PI4KA: variants seen among roughly 807,000 people sequenced by gnomAD.
PI4KA encodes the protein PI4-kinase alpha.
PI4KA carries 122 observed loss-of-function variants against 271.4 expected under a neutral mutation model. The observed-to-expected ratio is 0.45, with a 90% confidence interval of 0.39 to 0.52. The LOEUF (loss-of-function observed/expected upper bound fraction) is 0.52, where lower values mean the gene tolerates loss of function less well. PI4KA is among the 20% of genes least tolerant of loss of function. The pLI is 0.00. For synonymous variants in PI4KA, 1,041 were observed against 1,078.8 expected, an observed-to-expected ratio of 0.96 and a Z score of 0.69; for missense variants, 1,969 against 2,769.1, an observed-to-expected ratio of 0.71 and a Z score of 6.48.
chr22:20,712,166 T>C (rs1170329508), intron 50 of PI4KA, among the ~76,000 whole-genome samples: 2 of 151,938 alleles, frequency 1.3e-5, no homozygotes, highest in East Asian at 1.9e-4. Context: ...CAAGCGATTC[T>C]CCTGCCTCAG....
chr22:20,736,936 G>A (rs1928802172), intron 32 of PI4KA: 1 of 153,976 alleles, frequency 6.5e-6, no homozygotes, highest in Admixed American at 6.5e-5. Flanking sequence ...TACAGTAAAG[G>A]GAGGGGCCAC....
chr22:20,799,350 T>C (rs771291170), intron 15 of PI4KA, 74 bp from the exon 16 acceptor site: 1 of 1,325,082 alleles, frequency 7.5e-7, no homozygotes, highest in Non-Finnish European at 1.0e-6. Flanking sequence ...ACCCAGAGAC[T>C]ACGATCTAGA....
chr22:20,750,650 G>A (rs532732070), intron 27 of PI4KA, among the ~76,000 whole-genome samples: 24 of 152,344 alleles, frequency 1.6e-4, no homozygotes, highest in Non-Finnish European at 2.1e-4. Flanking sequence ...GGCAGGCTCT[G>A]CGTGGCAAAA....
At chr22:20,776,151 A>G (rs749011869) in intron 19 of PI4KA, among the ~76,000 whole-genome samples, 12 of 152,064 alleles carry the variant, frequency 7.9e-5, no homozygotes, top group Non-Finnish European at 1.5e-4. Context: ...GTAAAACCCC[A>G]TCTTTACCAA....
At chr22:20,832,936 G>A (rs1182814331) in intron 3 of PI4KA, among the ~76,000 whole-genome samples, 2 of 152,192 alleles carry the variant, frequency 1.3e-5, no homozygotes, top group Non-Finnish European at 2.9e-5. Flanking sequence ...GGGAACTAGT[G>A]CAGTCAACTT....
chr22:20,739,802 C>T (rs1929194830), intron 32 of PI4KA, among the ~76,000 whole-genome samples: 1 of 152,072 alleles, frequency 6.6e-6, no homozygotes, highest in African/African-American at 2.4e-5. Flanking sequence ...GTGGCTCATG[C>T]CTGTAATCCC....
At chr22:20,816,887 G>A (rs1166413785) in intron 7 of PI4KA, among the ~76,000 whole-genome samples, 1 of 152,170 alleles carries the variant, frequency 6.6e-6, no homozygotes, top group Non-Finnish European at 1.5e-5. Context: ...ATGGAGAGGA[G>A]CCCTCACCAC....
At chr22:20,729,220 G>A in intron 39 of PI4KA, 93 bp downstream of exon 39, 1 of 1,047,934 alleles carries the variant, frequency 9.5e-7, no homozygotes, top group Non-Finnish European at 1.4e-6. Flanking sequence ...AGGGGCTGCA[G>A]GGCACTCCTG....
chr22:20,811,607 CAAA>C (rs1185062165), intron 8 of PI4KA, among the ~76,000 whole-genome samples: 23 of 112,416 alleles, frequency 2.0e-4, no homozygotes, highest in Admixed American at 1.9e-3. Flanking sequence ...TGCAGAACCA[CAAA>C]AAAAAAAAAA....
At chr22:20,828,692 C>CT (rs1393166232) in intron 3 of PI4KA, among the ~76,000 whole-genome samples, 7 of 151,936 alleles carry the variant, frequency 4.6e-5, no homozygotes, top group African/African-American at 1.7e-4. Flanking sequence ...GTAGCTGGGA[C>CT]TACAGATGCC....
chr22:20,715,824 C>T (rs901617298), intron 45 of PI4KA, among the ~76,000 whole-genome samples: 3 of 152,192 alleles, frequency 2.0e-5, no homozygotes, highest in African/African-American at 7.2e-5. Context: ...CAAGCTTCTT[C>T]AGCTCAGGGA....
At position 20,805,068 on chromosome 22, in the gene PI4KA, G is replaced by T; in HGVS notation, c.1266C>A (p.Asp422Glu). The T allele has an allele frequency of 6.2e-7, 1 of 1,614,028 alleles. No individual in the cohort carries two copies. Among genetic ancestry groups the T allele is most frequent in the Non-Finnish European group, 8.5e-7 (1 of 1,179,894 alleles). Residue 422 changes from aspartate to glutamate, a missense_variant, in exon 11 of 55, where the codon GAC (aspartate) becomes GAA (glutamate). Physicochemically the swap from Asp to Glu is conservative, Grantham distance 45. Around this residue, in one of 13 missense-constraint regions of PI4KA, gnomAD observed 540 missense variants for 555.5 expected, o/e 0.97. Transcript: ENST00000255882. ...GELQKILHDA[D>E]RIHNELSPLK... is the part of the protein sequence containing the mutation. ...GGGGGCTCAGCTCATTGTGGATCCG[G>T]TCTGCGTCATGTAGAATCTTCTGGA... is the stretch of plus-strand genomic sequence containing the variant.
intron 19 of PI4KA, chr22:20,787,017 C>G (rs748085550): frequency 6.2e-7 from 1 of 1,614,200 alleles, no homozygotes; most frequent in East Asian, 2.2e-5. Flanking sequence ...GAGCATCGCA[C>G]CAGCTGCCTG....
At position 20,858,564 on chromosome 22, in the gene PI4KA, C is replaced by A. The variant is rs1231941829; in HGVS notation, c.156+6G>T. On this transcript the variant is annotated splice_donor_region_variant and intron_variant, in intron 1 of 54. Coordinates refer to ENST00000255882, the MANE Select transcript of PI4KA (RefSeq NM_058004.4). Reference sequence around the variant, plus strand: ...GTCAGCCCGCGGCCCAGCCCGCCGACGTTACCTTCTCCAAGGATGCTGGTC... The same window carrying A: ...GTCAGCCCGCGGCCCAGCCCGCCGAAGTTACCTTCTCCAAGGATGCTGGTC... 2.2e-6 allele frequency: 3 copies of A among 1,380,920 alleles called. No individual in the cohort carries two copies. In the African/African-American group the frequency reaches 4.5e-5, roughly 21 times the overall value. 85.5% of individuals were successfully genotyped at this position (1,380,920 alleles called of 1,614,324 possible). A position where few individuals can be genotyped will look rare whatever the true frequency, so the allele number is the denominator to read the frequency against.
intron 10 of PI4KA, among the ~76,000 whole-genome samples, chr22:20,807,050 T>C (rs1186719183): frequency 6.6e-6 from 1 of 152,174 alleles, no homozygotes; most frequent in African/African-American, 2.4e-5. Flanking sequence ...TTTAATTTTT[T>C]AAACTATCTA....
intron 2 of PI4KA, among the ~76,000 whole-genome samples, chr22:20,836,873 T>C (rs954918602): frequency 6.6e-5 from 10 of 152,214 alleles, no homozygotes; most frequent in Admixed American, 2.0e-4. Context: ...TTTGTTGTCA[T>C]CTTAAGAAGT....
In PI4KA at chr22:20,813,379, C is replaced by T. The variant is rs116427800; in HGVS notation, c.984G>A (p.Met328Ile). The change falls in exon 8 of 55, where the codon ATG becomes ATA. Residue 328 changes from methionine (M) to isoleucine (I), a missense_variant. This residue lies in a region of PI4KA where 540 missense variants were observed against 555.5 expected (regional missense o/e 0.97). Transcript: ENST00000255882. ...TTACCAGGTTTAAGAGTTCCCGAAG[C>T]ATTTCCAATGGAATGTTAAACTCCT... ...TYKEFNIPLE[M>I]LRELLNLVKK... is the part of the protein sequence containing the mutation. 1.4e-4 allele frequency: 228 copies of T among 1,613,792 alleles called. No homozygotes were observed. In the African/African-American group the frequency reaches 2.6e-3, roughly 19 times the overall value.
Position 20,819,843 on chromosome 22 carries a change from C to A in PI4KA, c.587G>T (p.Arg196Leu), listed in dbSNP as rs367735789. Residue 196 changes from arginine (R) to leucine (L), a missense_variant, in exon 6 of 55, where the codon CGT (arginine) becomes CTT (leucine). Physicochemically the swap from Arg to Leu is moderately radical, Grantham distance 102 (BLOSUM62 -2). This residue lies in a region of PI4KA where 540 missense variants were observed against 555.5 expected (regional missense o/e 0.97). Transcript: ENST00000255882. The stretch of plus-strand genomic sequence containing the variant: ...GAGAGACTCTTCCATGTTGCTGTAA[C>A]GCCCAAATGCTCGCGAGATTCCTAT... ...CLIGISRAFGRYSNMEESLLS... is the reference protein window; with the variant it reads ...CLIGISRAFGLYSNMEESLLS... The A allele has an allele frequency of 6.2e-7, 1 of 1,613,754 alleles. No individual in the cohort carries two copies. Among genetic ancestry groups the A allele is most frequent in the Non-Finnish European group, 8.5e-7 (1 of 1,179,650 alleles).
Position 20,707,824 on chromosome 22 carries a change from C to T in PI4KA, c.*223G>A. 1.6e-6 allele frequency: 1 copy of T among 629,176 alleles called. No individual in the cohort carries two copies. The highest frequency in any genetic ancestry group is 2.7e-5 in the East Asian group (1 of 36,602). The allele number at this position is 629,176 out of a possible 1,614,324, so 39.0% of individuals were successfully genotyped here. A position where few individuals can be genotyped will look rare whatever the true frequency, so the allele number is the denominator to read the frequency against. Reference sequence around the variant, plus strand: ...ATATGTCCAGTGCAAACAGAGGACTCACACCTGTGCATAGACAGCACCATC... The same window carrying T: ...ATATGTCCAGTGCAAACAGAGGACTTACACCTGTGCATAGACAGCACCATC... On this transcript the variant is annotated 3_prime_UTR_variant, in exon 55 of 55. Transcript: ENST00000255882.
Sources: allele counts gnomAD v4.1 joint callset (sites outside exome capture counted in the v4.1 genomes callset), GRCh38; gene constraint gnomAD v4.1.1; regional missense constraint gnomAD v4.1.1; transcripts MANE v1.5; gene names NCBI Gene and HGNC (gene_info 2026-07-23, HGNC 2026-07-21).